Variants in ASPG observed in about 807,000 individuals in gnomAD.
ASPG encodes the protein 60 kDa lysophospholipase.
ASPG carries 53 observed loss-of-function variants against 63.2 expected under a neutral mutation model. That is an observed-to-expected ratio of 0.84 (90% CI 0.67 to 1.05). The LOEUF (loss-of-function observed/expected upper bound fraction) is 1.05. Among genes scored for constraint, ASPG ranks in the 50% least tolerant of loss-of-function variants. The probability of loss-of-function intolerance (pLI) is 0.00; values close to 1 mark genes in which losing one functional copy is unlikely to be tolerated. For missense variants in ASPG, 741 were observed against 794.4 expected (o/e 0.93, Z 0.81); for synonymous variants, 370 against 355.0 (o/e 1.04, Z -0.48).
At chr14:104,092,401 G>C (rs1315200467) in intron 1 of ASPG, among the ~76,000 whole-genome samples, 1 of 152,182 alleles carries the variant, frequency 6.6e-6, no homozygotes, top group Non-Finnish European at 1.5e-5. Context: ...GTCCAGGTGC[G>C]AAATGAGGAA....
intron 5 of ASPG, among the ~76,000 whole-genome samples, chr14:104,098,493 G>C (rs1033809886): frequency 6.6e-6 from 1 of 152,190 alleles, no homozygotes; most frequent in Non-Finnish European, 1.5e-5. Flanking sequence ...AGCTGTGCTC[G>C]CTGCACCTTT....
intron 5 of ASPG, 49 bp from the exon 6 acceptor site, chr14:104,098,804 C>T (rs773291706): frequency 2.6e-5 from 41 of 1,595,862 alleles, no homozygotes; most frequent in East Asian, 1.4e-4. Flanking sequence ...GCAGATGGGT[C>T]GGGGACAGGG....
intron 6 of ASPG, among the ~76,000 whole-genome samples, chr14:104,101,472 G>A (rs1566833728): frequency 1.3e-5 from 2 of 152,022 alleles, no homozygotes; most frequent in South Asian, 2.1e-4. Flanking sequence ...GCGCCAAGGG[G>A]TGGGGGGATG....
In ASPG at chr14:104,110,104, C is replaced by T. The variant is rs532458395; in HGVS notation, c.1520+789C>T. 164 of 985,310 alleles carry T rather than the reference C, an allele frequency of 1.7e-4. 1 individual carries two copies. The South Asian group carries it at 5.3e-3, about 32-fold the overall frequency. 61.0% of individuals were successfully genotyped at this position (985,310 alleles called of 1,614,324 possible). A position where few individuals can be genotyped will look rare whatever the true frequency, so the allele number is the denominator to read the frequency against. On this transcript the variant is annotated intron_variant, in intron 13 of 15. Coordinates refer to ENST00000551177, the MANE Select transcript of ASPG (RefSeq NM_001080464.3). The surrounding 1 kb of genome is among the most constrained non-coding windows in gnomAD (Gnocchi z 4.7). ...CAGCCTGGGCTGCCCGAGGCCAGGA[C>T]GACTCCGAGGGACCCAAAAAGGAGA...
intron 9 of ASPG, 182 bp downstream of exon 9, chr14:104,104,917 C>T (rs552230473): frequency 1.6e-6 from 1 of 608,436 alleles, no homozygotes; most frequent in Admixed American, 3.2e-5. Flanking sequence ...CCCAGGCTCC[C>T]CACAGCCCTC....
intron 5 of ASPG, 104 bp from the exon 6 acceptor site, chr14:104,098,749 C>G: frequency 6.6e-7 from 1 of 1,525,206 alleles, no homozygotes; most frequent in African/African-American, 1.4e-5. Context: ...TCCCACCTCC[C>G]CCTGGGTCTG....
In ASPG at chr14:104,105,414, T is replaced by C; in HGVS notation, c.1137T>C (p.Gly379=). 11 of 1,609,420 alleles carry C rather than the reference T, an allele frequency of 6.8e-6. No individual in the cohort carries two copies. The highest frequency in any genetic ancestry group is 9.3e-6 in the Non-Finnish European group (11 of 1,178,482). Reference sequence around the variant, plus strand: ...CACTGCAGGGCAACACGCTGGGCGGTGGGGTCTCCTGGCTCCTCAGTCTGA... The same window carrying C: ...CACTGCAGGGCAACACGCTGGGCGGCGGGGTCTCCTGGCTCCTCAGTCTGA... ...RPSLQGNTLG[G]GVSWLLSLSG... is the part of the protein sequence containing the mutation. Residue 379 remains glycine (G), a synonymous_variant, in exon 10 of 16, where the codon GGT becomes GGC. Coordinates refer to ENST00000551177, the MANE Select transcript of ASPG (RefSeq NM_001080464.3).
Position 104,109,881 on chromosome 14 carries a change from C to T in ASPG, c.1520+566C>T. 1.1e-6 allele frequency: 1 copy of T among 907,146 alleles called. No homozygotes were observed. The highest frequency in any genetic ancestry group is 1.3e-6 in the Non-Finnish European group (1 of 758,618). 56.2% of individuals were successfully genotyped at this position (907,146 alleles called of 1,614,324 possible). On this transcript the variant is annotated intron_variant, in intron 13 of 15. Coordinates refer to ENST00000551177, the MANE Select transcript of ASPG (RefSeq NM_001080464.3). The surrounding 1 kb of genome is among the most constrained non-coding windows in gnomAD (Gnocchi z 4.8). ...CTTCCGATCTCATGCTGCCGAGTGACCACCGAGGCAGGCTCAGGCCTTCTG... is the reference window on the plus strand; with the variant it reads ...CTTCCGATCTCATGCTGCCGAGTGATCACCGAGGCAGGCTCAGGCCTTCTG...
At chr14:104,104,867 A>T (rs896539227) in intron 9 of ASPG, 132 bp downstream of exon 9, 2 of 765,176 alleles carry the variant, frequency 2.6e-6, no homozygotes, top group African/African-American at 3.5e-5. Context: ...TGGGAAGGGG[A>T]GGGATGTGGC....
chr14:104,102,113 G>T (rs1272902681), intron 6 of ASPG, among the ~76,000 whole-genome samples: 3 of 152,076 alleles, frequency 2.0e-5, no homozygotes, highest in Admixed American at 2.0e-4. Context: ...CTCTTTGCCA[G>T]TGGCAGCGGT....
chr14:104,104,868 G>A lies in ASPG; in HGVS notation c.1050+133G>A. On this transcript the variant is annotated intron_variant, in intron 9 of 15. Transcript: ENST00000551177. The stretch of plus-strand genomic sequence containing the variant: ...GGGTGTGTCCTGTTTGGGAAGGGGA[G>A]GGATGTGGCTCCCTATAGTGGGGAA... The A allele has an allele frequency of 4.0e-6, 3 of 755,056 alleles. No homozygotes were observed. The East Asian group carries it at 8.3e-5, about 21-fold the overall frequency. 46.8% of individuals were successfully genotyped at this position (755,056 alleles called of 1,614,324 possible).
At chr14:104,108,592 G>A (rs926831189) in intron 12 of ASPG, 5 of 985,426 alleles carry the variant, frequency 5.1e-6, no homozygotes, top group African/African-American at 1.7e-5. Flanking sequence ...CACGGCCAGC[G>A]ATTATGGCAC....
chr14:104,097,449 C>A, intron 4 of ASPG, 105 bp from the exon 5 acceptor site: 1 of 1,155,526 alleles, frequency 8.7e-7, no homozygotes. Context: ...CCACACCCGC[C>A]TGGGGCTCCT....
At position 104,098,842 on chromosome 14, in the gene ASPG, C is replaced by T. The variant is rs370586030; in HGVS notation, c.514-11C>T. On this transcript the variant is annotated splice_polypyrimidine_tract_variant and intron_variant, in intron 5 of 15. Coordinates refer to ENST00000551177, the MANE Select transcript of ASPG (RefSeq NM_001080464.3). ...GCCGCTGCTCTGAACTCTGTCGCTC[C>T]GTTCCCGCAGGTCTGCCTTTTCTTC... 19 of 1,612,106 alleles carry T rather than the reference C, an allele frequency of 1.2e-5. No homozygotes were observed. The highest frequency in any genetic ancestry group is 1.6e-4 in the Middle Eastern group (1 of 6,072).
intron 12 of ASPG, chr14:104,108,381 C>T (rs2037236826): frequency 1.2e-5 from 12 of 984,338 alleles, no homozygotes; most frequent in Non-Finnish European, 1.4e-5. Context: ...GCCCCCTCGT[C>T]TCCTCCTGAC....
intron 6 of ASPG, among the ~76,000 whole-genome samples, chr14:104,102,944 G>A (rs1019013074): frequency 2.4e-4 from 36 of 152,328 alleles, no homozygotes; most frequent in Admixed American, 2.1e-3. Context: ...CACACATTAG[G>A]ATTTTGGGGT....
chr14:104,096,578 C>T (rs2036604804), intron 4 of ASPG, among the ~76,000 whole-genome samples: 1 of 152,188 alleles, frequency 6.6e-6, no homozygotes, highest in Non-Finnish European at 1.5e-5. Context: ...TCTCCTCTTC[C>T]CAGACCTTCC....
intron 10 of ASPG, 32 bp from the exon 11 acceptor site, chr14:104,106,767 G>A (rs1321044800): frequency 6.5e-6 from 10 of 1,544,424 alleles, no homozygotes; most frequent in East Asian, 2.4e-5. Flanking sequence ...AAAGGGAGGC[G>A]TGGGTCCCAG....
rs1335551793 is a variant in ASPG, at chr14:104,110,940, A to G, written c.1521-562A>G. On this transcript the variant is annotated intron_variant, in intron 13 of 15. Transcript: ENST00000551177. The surrounding 1 kb of genome is among the most constrained non-coding windows in gnomAD (Gnocchi z 4.7). ...GGCCCAGACCCCTGTCCCAGCCAGG[A>G]CCCCCCCATGCAGTCTGCCGGGGTC... The G allele has an allele frequency of 2.0e-6, 2 of 984,524 alleles. No individual in the cohort carries two copies. Among genetic ancestry groups the G allele is most frequent in the Non-Finnish European group, 2.4e-6 (2 of 829,782 alleles). The allele number at this position is 984,524 out of a possible 1,614,324, so 61.0% of individuals were successfully genotyped here. A position where few individuals can be genotyped will look rare whatever the true frequency, so the allele number is the denominator to read the frequency against.
Sources: gnomAD v4.1 joint callset for allele counts (sites outside exome capture counted in the v4.1 genomes callset) on GRCh38, gnomAD v4.1.1 for gene constraint, Gnocchi (gnomAD v3.1) non-coding constraint, MANE v1.5 for transcripts, NCBI Gene and HGNC (gene_info 2026-07-23, HGNC 2026-07-21) for gene names.